The following PRPS1 variants were observed in gnomAD, a reference collection of about 807,000 sequenced individuals.
The protein encoded by PRPS1 is phosphoribosyl pyrophosphate synthetase 1.
PRPS1 carries 1 observed loss-of-function variant against 16.9 expected under a neutral mutation model. That is an observed-to-expected ratio of 0.06 (90% CI 0.02 to 0.28). PRPS1 has a LOEUF of 0.28. PRPS1 is among the 10% of genes least tolerant of loss of function. The pLI, the probability that PRPS1 is intolerant of heterozygous loss-of-function variation, is 1.00. For synonymous variants in PRPS1, 70 were observed against 90.2 expected, an observed-to-expected ratio of 0.78 and a Z score of 1.27; for missense variants, 47 against 254.0, an observed-to-expected ratio of 0.19 and a Z score of 5.54.
rs948531147 is a variant in PRPS1, at chrX:107,628,541, G to T, written c.-88G>T. The T allele has an allele frequency of 3.3e-6, 4 of 1,197,940 alleles. No homozygotes were observed. Among genetic ancestry groups the T allele is most frequent in the Non-Finnish European group, 4.5e-6 (4 of 886,044 alleles). On this transcript the variant is annotated 5_prime_UTR_variant, in exon 1 of 7. Coordinates refer to ENST00000372435, the MANE Select transcript of PRPS1 (RefSeq NM_002764.4). Reference sequence around the variant, plus strand: ...AGATGGCGGAGTAGCAACGCAAAGCGCTTGGTATTGAGTCTGTGGCCGACT... The same window carrying T: ...AGATGGCGGAGTAGCAACGCAAAGCTCTTGGTATTGAGTCTGTGGCCGACT...
intron 3 of PRPS1, among the ~76,000 whole-genome samples, chrX:107,641,647 C>T (rs998837048): frequency 2.7e-5 from 3 of 111,834 alleles, no homozygotes; most frequent in Non-Finnish European, 3.8e-5. Flanking sequence ...CATGAGCCAC[C>T]GTGCCTGGCC....
intron 1 of PRPS1, among the ~76,000 whole-genome samples, chrX:107,629,150 A>T (rs920545577): frequency 4.5e-5 from 5 of 111,449 alleles, no homozygotes; most frequent in Admixed American, 9.6e-5. Context: ...GCTTGCATTT[A>T]GAGAGCCTAC....
rs1195532882 is a variant in PRPS1 at position 107,628,861 on chromosome X, G to A, written c.122+111G>A. 97 of 1,051,479 alleles carry A rather than the reference G, an allele frequency of 9.2e-5. No individual in the cohort carries two copies. The South Asian group carries it at 1.4e-3, about 16-fold the overall frequency. The allele number at this position is 1,051,479 out of a possible 1,213,427, so 86.7% of individuals were successfully genotyped here. On this transcript the variant is annotated intron_variant, in intron 1 of 6. Transcript: ENST00000372435. ...ACAGACTGGGGGTTGGGGGGAGAGG[G>A]TGCAGCTCTGTGACTAGCCTACCCC...
At chrX:107,639,536 C>G in intron 2 of PRPS1, 58 bp downstream of exon 2, 1 of 1,112,903 alleles carries the variant, frequency 9.0e-7, no homozygotes, top group South Asian at 1.8e-5. Context: ...CCCCAAATCA[C>G]AAATAAATTC....
chrX:107,642,161 G>A (rs1925588724), intron 3 of PRPS1, among the ~76,000 whole-genome samples: 1 of 112,128 alleles, frequency 8.9e-6, no homozygotes, highest in Admixed American at 9.5e-5. Flanking sequence ...GGTTGACTGA[G>A]GGCTGGCTTT....
rs1406062344 is a variant in PRPS1, at chrX:107,650,446, A to G, written c.*414A>G. On this transcript the variant is annotated 3_prime_UTR_variant, in exon 7 of 7. Coordinates refer to ENST00000372435, the MANE Select transcript of PRPS1 (RefSeq NM_002764.4). ...GTGTGACCAGTTCTCCCCAAGGTCTATGCTAAATTATAGCAAGAGCCCTGG... is the reference window on the plus strand; with the variant it reads ...GTGTGACCAGTTCTCCCCAAGGTCTGTGCTAAATTATAGCAAGAGCCCTGG... 1.2e-5 allele frequency: 4 copies of G among 340,050 alleles called. No homozygotes were observed. The highest frequency in any genetic ancestry group is 2.0e-5 in the Non-Finnish European group (4 of 200,415). 28.0% of individuals were successfully genotyped at this position (340,050 alleles called of 1,213,427 possible). A position where few individuals can be genotyped will look rare whatever the true frequency, so the allele number is the denominator to read the frequency against.
chrX:107,639,024 T>G (rs1221120982), intron 1 of PRPS1, among the ~76,000 whole-genome samples: 1 of 112,660 alleles, frequency 8.9e-6, no homozygotes, highest in Non-Finnish European at 1.9e-5. Flanking sequence ...CATGAGCCAC[T>G]GCGCCCAGCC....
At position 107,650,510 on chromosome X, in the gene PRPS1, A is replaced by G; in HGVS notation, c.*478A>G. 5.3e-6 allele frequency: 1 copy of G among 187,070 alleles called. No individual in the cohort carries two copies. The highest frequency in any genetic ancestry group is 9.5e-6 in the Non-Finnish European group (1 of 105,391). 15.4% of individuals were successfully genotyped at this position (187,070 alleles called of 1,213,427 possible). A position where few individuals can be genotyped will look rare whatever the true frequency, so the allele number is the denominator to read the frequency against. On this transcript the variant is annotated 3_prime_UTR_variant, in exon 7 of 7. Transcript: ENST00000372435. ...TAGTCCTGGTAGCTGAGCACCCTGT[A>G]AGGCAGGAGCAGGCAGCTCAGCTTG...
chrX:107,634,317 C>T (rs763209177), intron 1 of PRPS1, among the ~76,000 whole-genome samples: 2 of 110,327 alleles, frequency 1.8e-5, no homozygotes, highest in Non-Finnish European at 3.8e-5. Flanking sequence ...CGGGTTCACG[C>T]CATTCTCCTG....
At chrX:107,639,218 G>A (rs1925518993) in intron 1 of PRPS1, 77 bp from the exon 2 acceptor site, 1 of 1,094,578 alleles carries the variant, frequency 9.1e-7, no homozygotes, top group Non-Finnish European at 1.3e-6. Context: ...ATCCATAGAT[G>A]TGGAACCTAT....
chrX:107,643,808 T>C (rs143819934), intron 4 of PRPS1, among the ~76,000 whole-genome samples: 68 of 112,031 alleles, frequency 6.1e-4, no homozygotes, highest in Non-Finnish European at 1.1e-3. Context: ...TATGTGCTTA[T>C]GCAGTAGTAG....
Position 107,634,770 on chromosome X carries a change from G to GAGAT in PRPS1, c.123-4523_123-4520dup, listed in dbSNP as rs776461951. 4.8e-4 allele frequency among the ~76,000 whole-genome samples: 53 copies of GAGAT among 110,622 alleles called. No homozygotes were observed. In the South Asian group the frequency reaches 0.019, roughly 40 times the overall value. ...CTGATAGTTGAGGCATTTGTAAAGG[G>GAGAT]AGATAAGCCACTGTGGTCTAAGAAT... On this transcript the variant is annotated intron_variant, in intron 1 of 6. Transcript: ENST00000372435.
At position 107,644,915 on chromosome X, in the gene PRPS1, C is replaced by T. The variant is rs192206597; in HGVS notation, c.531-262C>T. Among the ~76,000 whole-genome samples the T allele has an allele frequency of 5.6e-3, 618 of 111,004 alleles. 9 individuals carry two copies. The highest frequency in any genetic ancestry group is 0.019 in the African/African-American group (579 of 30,507). ...CTGCAAGCTCCAGCTCCTGGGTTCACGCCATTTTCCTGCCTCAGCCTCCCG... is the reference window on the plus strand; with the variant it reads ...CTGCAAGCTCCAGCTCCTGGGTTCATGCCATTTTCCTGCCTCAGCCTCCCG... On this transcript the variant is annotated intron_variant, in intron 4 of 6. Coordinates refer to ENST00000372435, the MANE Select transcript of PRPS1 (RefSeq NM_002764.4).
intron 4 of PRPS1, among the ~76,000 whole-genome samples, chrX:107,644,688 C>G (rs1925650497): frequency 8.9e-6 from 1 of 111,941 alleles, no homozygotes; most frequent in Non-Finnish European, 1.9e-5. Context: ...TTATAAAACC[C>G]AGTTTGTGAT....
intron 3 of PRPS1, among the ~76,000 whole-genome samples, chrX:107,641,780 A>G (rs1030352280): frequency 8.9e-6 from 1 of 112,165 alleles, no homozygotes; most frequent in Non-Finnish European, 1.9e-5. Context: ...AAATCATTAC[A>G]TTTCAAGCTT....
intron 1 of PRPS1, among the ~76,000 whole-genome samples, chrX:107,638,364 C>G (rs1418100258): frequency 2.7e-5 from 3 of 111,133 alleles, no homozygotes; most frequent in Non-Finnish European, 5.7e-5. Context: ...CCATCTTGGC[C>G]TCCTAAAGTG....
rs756583830 is a variant in PRPS1, at chrX:107,628,766, G to A, written c.122+16G>A. The A allele has an allele frequency of 4.1e-6, 5 of 1,211,248 alleles. No homozygotes were observed. Among genetic ancestry groups the A allele is most frequent in the Non-Finnish European group, 5.6e-6 (5 of 895,255 alleles). ...AGGAGACCTGGTAAGGACCAAGTTG[G>A]GACCCTGACTAGACCTCACCTGCCC... On this transcript the variant is annotated intron_variant, in intron 1 of 6. Coordinates refer to ENST00000372435, the MANE Select transcript of PRPS1 (RefSeq NM_002764.4).
intron 1 of PRPS1, among the ~76,000 whole-genome samples, chrX:107,634,371 C>T (rs1023946530): frequency 1.8e-5 from 2 of 108,116 alleles, no homozygotes; most frequent in East Asian, 2.9e-4. Context: ...CCCACCACCA[C>T]GCCCAGCTAA....
chrX:107,646,625 A>G (rs1717284982), intron 5 of PRPS1, among the ~76,000 whole-genome samples: 1 of 112,326 alleles, frequency 8.9e-6, no homozygotes, highest in South Asian at 3.7e-4. Flanking sequence ...CTTCTTGTCC[A>G]TGGCACACTC....
Sources: allele counts gnomAD v4.1 joint callset (sites outside exome capture counted in the v4.1 genomes callset), GRCh38; gene constraint gnomAD v4.1.1; transcripts MANE v1.5; gene names NCBI Gene and HGNC (gene_info 2026-07-23, HGNC 2026-07-21).